RBFOX1: variants seen among roughly 807,000 people sequenced by gnomAD.
RBFOX1 encodes the protein RNA binding fox-1 homolog 1.
A neutral mutation model predicts 57.7 loss-of-function variants in RBFOX1; 8 were observed. That is an observed-to-expected ratio of 0.14 (90% CI 0.08 to 0.25). RBFOX1 has a LOEUF of 0.25. Ranked by LOEUF, RBFOX1 falls within the 10% of genes least tolerant of loss-of-function variation. The pLI, the probability that RBFOX1 is intolerant of heterozygous loss-of-function variation, is 1.00. For synonymous variants in RBFOX1, 326 were observed against 222.4 expected (o/e 1.47, Z -4.15); for missense variants, 611 against 548.5 (o/e 1.11, Z -1.14).
intron 1 of RBFOX1, among the ~76,000 whole-genome samples, chr16:5,466,769 C>A (rs967758270): frequency 3.3e-5 from 5 of 152,168 alleles, no homozygotes; most frequent in African/African-American, 1.2e-4. Context: ...TGTCCATTGT[C>A]CCTGCCCCAG....
At position 5,863,813 on chromosome 16, in the gene RBFOX1, T is replaced by C. The variant is rs117251993; in HGVS notation, c.319-3490T>C. On this transcript the variant is annotated intron_variant, in intron 3 of 19. Transcript: ENST00000641259. ...CCTTACCTTCTACTGTGCCCTCATA[T>C]GTGAATGTTTGAGAGAGTTCTTTTT... 1.4e-3 allele frequency among the ~76,000 whole-genome samples: 220 copies of C among 152,342 alleles called. 2 individuals carry two copies. The highest frequency in any genetic ancestry group is 0.014 in the Middle Eastern group (4 of 294).
intron 1 of RBFOX1, among the ~76,000 whole-genome samples, chr16:5,261,520 C>A (rs2062731549): frequency 6.6e-6 from 1 of 151,032 alleles, no homozygotes; most frequent in African/African-American, 2.4e-5. Flanking sequence ...TTATAGGCAC[C>A]CATCCACTGA....
At chr16:5,656,129 G>T (rs556915346) in intron 3 of RBFOX1, among the ~76,000 whole-genome samples, 2 of 152,084 alleles carry the variant, frequency 1.3e-5, no homozygotes, top group Non-Finnish European at 2.9e-5. Flanking sequence ...GAATGATTTG[G>T]GGCTTAGGGA....
chr16:5,513,861 A>G lies in RBFOX1; in HGVS notation c.258+46607A>G, dbSNP rs188832648. The stretch of plus-strand genomic sequence containing the variant: ...ATAATGTGACATAAGTGAGTGGTGC[A>G]AAATTTAAGGGGGTGCCAAAAATCA... On this transcript the variant is annotated intron_variant, in intron 2 of 2. Coordinates refer to the RBFOX1 transcript ENST00000585867. Among the ~76,000 whole-genome samples, 12 of 152,294 alleles carry G rather than the reference A, an allele frequency of 7.9e-5. No homozygotes were observed. In the East Asian group the frequency reaches 2.3e-3, roughly 29 times the overall value.
chr16:6,297,727 G>C (rs936149029), intron 1 of RBFOX1, among the ~76,000 whole-genome samples: 2 of 152,058 alleles, frequency 1.3e-5, no homozygotes, highest in South Asian at 4.1e-4. Context: ...AGGAGATGAA[G>C]AGACAAACAG....
intron 3 of RBFOX1, among the ~76,000 whole-genome samples, chr16:5,690,260 G>T (rs562977792): frequency 1.4e-3 from 215 of 152,318 alleles, no homozygotes; most frequent in Non-Finnish European, 2.4e-3. Flanking sequence ...TGTCATCACA[G>T]TGTCATCAAT....
intron 4 of RBFOX1, among the ~76,000 whole-genome samples, chr16:7,462,580 G>T (rs1158326044): frequency 6.6e-6 from 1 of 152,178 alleles, no homozygotes; most frequent in African/African-American, 2.4e-5. Flanking sequence ...GACTCAACTG[G>T]GTCCTCTGTT....
At chr16:6,522,696 C>G (rs977559388) in intron 2 of RBFOX1, among the ~76,000 whole-genome samples, 2 of 152,202 alleles carry the variant, frequency 1.3e-5, no homozygotes, top group Non-Finnish European at 2.9e-5. Context: ...ACCTAAGAAA[C>G]AGTGAACCAT....
intron 1 of RBFOX1, among the ~76,000 whole-genome samples, chr16:5,241,385 C>T (rs1222316953): frequency 2.6e-5 from 4 of 152,202 alleles, no homozygotes; most frequent in African/African-American, 4.8e-5. Context: ...GGCAGTGTAA[C>T]GCCAGGAAAC....
At chr16:6,771,630 A>T (rs766115507) in intron 3 of RBFOX1, among the ~76,000 whole-genome samples, 2 of 152,176 alleles carry the variant, frequency 1.3e-5, no homozygotes, top group Non-Finnish European at 2.9e-5. Flanking sequence ...ACTGTGGACA[A>T]TTTTGCTCCT....
At chr16:7,709,457 T>G (rs1353741598) in intron 15 of RBFOX1, 6 of 1,417,546 alleles carry the variant, frequency 4.2e-6, no homozygotes, top group Non-Finnish European at 4.6e-6. Flanking sequence ...CTTTTTTTTT[T>G]CTTTTTTTTT....
chr16:6,906,375 G>T (rs74577775), intron 3 of RBFOX1, among the ~76,000 whole-genome samples: 1 of 151,904 alleles, frequency 6.6e-6, no homozygotes, highest in Non-Finnish European at 1.5e-5. Flanking sequence ...TAATAACACC[G>T]AAACTCATAA....
intron 1 of RBFOX1, among the ~76,000 whole-genome samples, chr16:5,244,740 G>C (rs543000066): frequency 6.6e-6 from 1 of 152,212 alleles, no homozygotes; most frequent in African/African-American, 2.4e-5. Context: ...GGAAGTTCTC[G>C]CATCCCCCTT....
At position 6,210,463 on chromosome 16, in the gene RBFOX1, C is replaced by G. The variant is rs577469224; in HGVS notation, c.-126-106532C>G. Among the ~76,000 whole-genome samples, 4 of 151,002 alleles carry G rather than the reference C, an allele frequency of 2.6e-5. No individual in the cohort carries two copies. The East Asian group carries it at 5.8e-4, about 22-fold the overall frequency. On this transcript the variant is annotated intron_variant, in intron 1 of 15. Transcript: ENST00000550418. ...CTTACAAAGGGATCAGACACAGTGG[C>G]TCACTCCTATAATCCCAGCACTTTA...
At position 7,300,751 on chromosome 16, in the gene RBFOX1, A is replaced by G. The variant is rs565320807; in HGVS notation, c.28-217396A>G. Among the ~76,000 whole-genome samples, 28 of 152,326 alleles carry G rather than the reference A, an allele frequency of 1.8e-4. No individual in the cohort carries two copies. In the South Asian group the frequency reaches 5.6e-3, roughly 30 times the overall value. On this transcript the variant is annotated intron_variant, in intron 4 of 15. Coordinates refer to ENST00000550418, the MANE Select transcript of RBFOX1 (RefSeq NM_018723.4). Reference sequence around the variant, plus strand: ...GCAAAGTTGGAAGAAAAAAAGTTACAATATTATTTTATGAGTCAAATTAAA... The same window carrying G: ...GCAAAGTTGGAAGAAAAAAAGTTACGATATTATTTTATGAGTCAAATTAAA...
intron 4 of RBFOX1, among the ~76,000 whole-genome samples, chr16:5,905,308 C>T (rs1184710437): frequency 6.6e-6 from 1 of 151,878 alleles, no homozygotes; most frequent in Non-Finnish European, 1.5e-5. Flanking sequence ...CCGCCTCGGC[C>T]TCCCAAAGTG....
intron 14 of RBFOX1, among the ~76,000 whole-genome samples, chr16:7,699,181 G>C (rs948069288): frequency 2.0e-5 from 3 of 152,152 alleles, no homozygotes; most frequent in Non-Finnish European, 4.4e-5. Context: ...CACACTAACT[G>C]ATCAATCAGG....
intron 4 of RBFOX1, among the ~76,000 whole-genome samples, chr16:7,138,297 A>G (rs1011720257): frequency 1.3e-5 from 2 of 152,148 alleles, no homozygotes; most frequent in Non-Finnish European, 2.9e-5. Flanking sequence ...CACACATGAG[A>G]TCTTCAGCAA....
At chr16:7,079,688 T>A (rs1297367905) in intron 4 of RBFOX1, among the ~76,000 whole-genome samples, 2 of 152,154 alleles carry the variant, frequency 1.3e-5, no homozygotes, top group African/African-American at 4.8e-5. Context: ...TTTTCCTGCA[T>A]GGCAAATGGA....
Sources: allele counts gnomAD v4.1 joint callset (sites outside exome capture counted in the v4.1 genomes callset), GRCh38; gene constraint gnomAD v4.1.1; transcripts MANE v1.5; gene names NCBI Gene and HGNC (gene_info 2026-07-23, HGNC 2026-07-21).